The following SOX6 variants were observed in gnomAD, a reference collection of about 807,000 sequenced individuals.
SOX6 encodes the protein transcription factor SOX-6.
Under a neutral mutation model 97.8 loss-of-function variants are expected in SOX6, and 11 were observed. That is an observed-to-expected ratio of 0.11 (90% CI 0.07 to 0.19). SOX6 has a LOEUF of 0.19. SOX6 is among the 10% of genes least tolerant of loss of function. The pLI, the probability that SOX6 is intolerant of heterozygous loss-of-function variation, is 1.00. For synonymous variants in SOX6, 360 were observed against 371.4 expected (o/e 0.97, Z 0.35); for missense variants, 810 against 1,039.5 (o/e 0.78, Z 3.04).
intron 4 of SOX6, among the ~76,000 whole-genome samples, chr11:16,203,704 C>T (rs1187630431): frequency 6.6e-6 from 1 of 152,052 alleles, no homozygotes; most frequent in Non-Finnish European, 1.5e-5. Flanking sequence ...ATTGAGCAAT[C>T]AAGAGCAGCT....
chr11:16,016,082 G>A (rs1188579264), intron 12 of SOX6, among the ~76,000 whole-genome samples: 3 of 151,968 alleles, frequency 2.0e-5, no homozygotes, highest in Admixed American at 1.3e-4. Context: ...GAGCATGTTC[G>A]GCATTAGATG....
intron 3 of SOX6, among the ~76,000 whole-genome samples, chr11:16,634,358 A>G (rs896290596): frequency 3.9e-5 from 6 of 152,052 alleles, no homozygotes; most frequent in African/African-American, 1.4e-4. Flanking sequence ...ACAGTGCCTT[A>G]GGAATTTGCA....
chr11:16,393,611 T>C (rs1422940084), intron 1 of SOX6, among the ~76,000 whole-genome samples: 1 of 152,080 alleles, frequency 6.6e-6, no homozygotes, highest in Non-Finnish European at 1.5e-5. Flanking sequence ...AAAATTATGC[T>C]ATTTCATTCT....
At chr11:16,283,192 G>A (rs1233231729) in intron 3 of SOX6, among the ~76,000 whole-genome samples, 7 of 146,910 alleles carry the variant, frequency 4.8e-5, no homozygotes, top group Non-Finnish European at 1.0e-4. Context: ...TCAATTGAAT[G>A]GCAATATCCA....
rs946727587 is a variant in SOX6, at chr11:16,012,710, G to C, written c.1732+2232C>G. On this transcript the variant is annotated intron_variant, in intron 13 of 15. Coordinates refer to ENST00000683767, the MANE Select transcript of SOX6 (RefSeq NM_001367873.1). ...GGGCAGTATGGCAGGCTGCTGGGGA[G>C]AATCTCAGCTCTACCCTTAATATGT... Among the ~76,000 whole-genome samples, 4 of 151,922 alleles carry C rather than the reference G, an allele frequency of 2.6e-5. 1 individual carries two copies. The highest frequency in any genetic ancestry group is 5.9e-5 in the Non-Finnish European group (4 of 67,948).
chr11:16,323,403 T>C (rs913045565), intron 2 of SOX6, among the ~76,000 whole-genome samples: 1 of 152,198 alleles, frequency 6.6e-6, no homozygotes, highest in Non-Finnish European at 1.5e-5. Flanking sequence ...TGTTCAGATT[T>C]TTCAGAAGTT....
chr11:16,671,695 A>T (rs1172704938), intron 3 of SOX6, among the ~76,000 whole-genome samples: 2 of 152,236 alleles, frequency 1.3e-5, no homozygotes, highest in East Asian at 3.8e-4. Flanking sequence ...GAAAGGGAGG[A>T]GGAGAAAGCA....
intron 6 of SOX6, among the ~76,000 whole-genome samples, chr11:16,159,123 A>G (rs1850676498): frequency 6.6e-6 from 1 of 152,122 alleles, no homozygotes; most frequent in South Asian, 2.1e-4. Context: ...CACTTTTAAG[A>G]GAATACTATC....
At chr11:16,057,902 C>G (rs1453714556) in intron 9 of SOX6, among the ~76,000 whole-genome samples, 5 of 152,128 alleles carry the variant, frequency 3.3e-5, no homozygotes, top group Non-Finnish European at 7.4e-5. Context: ...TAATCTATTT[C>G]CTTCTCTAAA....
chr11:16,647,517 C>A (rs1849031853), intron 3 of SOX6, among the ~76,000 whole-genome samples: 1 of 152,184 alleles, frequency 6.6e-6, no homozygotes, highest in Non-Finnish European at 1.5e-5. Context: ...GGCTAACGTG[C>A]AGCTCCCACA....
chr11:16,076,678 A>AG (rs1337635166), intron 9 of SOX6, among the ~76,000 whole-genome samples: 2 of 150,618 alleles, frequency 1.3e-5, no homozygotes, highest in African/African-American at 4.9e-5. Flanking sequence ...AAAGGGAAGC[A>AG]GGCACATCTT....
At chr11:16,489,686 A>C (rs1334172200) in intron 4 of SOX6, among the ~76,000 whole-genome samples, 1 of 152,176 alleles carries the variant, frequency 6.6e-6, no homozygotes, top group Non-Finnish European at 1.5e-5. Flanking sequence ...AGCAATTAGT[A>C]CAGTACCCTG....
chr11:16,346,075 A>G (rs1856769772), intron 1 of SOX6, among the ~76,000 whole-genome samples: 1 of 152,038 alleles, frequency 6.6e-6, no homozygotes, highest in Non-Finnish European at 1.5e-5. Context: ...GAGTTGTTCT[A>G]CTTATTCAAA....
chr11:16,470,636 T>C (rs1326308994), intron 1 of SOX6, among the ~76,000 whole-genome samples: 1 of 152,098 alleles, frequency 6.6e-6, no homozygotes, highest in Non-Finnish European at 1.5e-5. Flanking sequence ...CAAAAATATT[T>C]ATACAGCAAC....
intron 1 of SOX6, among the ~76,000 whole-genome samples, chr11:16,446,293 CAG>C (rs1859609773): frequency 6.6e-6 from 1 of 151,688 alleles, no homozygotes; most frequent in Non-Finnish European, 1.5e-5. Context: ...AAGAAAGAGA[CAG>C]AAAGTAGGAG....
At chr11:16,069,099 G>T (rs535095287) in intron 9 of SOX6, among the ~76,000 whole-genome samples, 1 of 152,184 alleles carries the variant, frequency 6.6e-6, no homozygotes, top group South Asian at 2.1e-4. Context: ...ATCTTTCTTT[G>T]TTTCTGTCTT....
At chr11:16,580,438 T>TAA (rs11439923) in intron 4 of SOX6, among the ~76,000 whole-genome samples, 213 of 150,866 alleles carry the variant, frequency 1.4e-3, no homozygotes, top group African/African-American at 3.0e-3. Flanking sequence ...TTCAGAAAAT[T>TAA]AAAAAAAAAC....
At chr11:16,100,014 A>C (rs537154135) in intron 7 of SOX6, among the ~76,000 whole-genome samples, 109 of 151,908 alleles carry the variant, frequency 7.2e-4, no homozygotes, top group Non-Finnish European at 1.4e-3. Flanking sequence ...ACAAGGCAGG[A>C]GGGGTAGAAG....
intron 4 of SOX6, among the ~76,000 whole-genome samples, chr11:16,576,458 T>C (rs1589992174): frequency 6.6e-6 from 1 of 152,190 alleles, no homozygotes; most frequent in African/African-American, 2.4e-5. Flanking sequence ...CAAAAACACA[T>C]GTTGTCATAG....
Sources: allele counts gnomAD v4.1 joint callset (sites outside exome capture counted in the v4.1 genomes callset), GRCh38; gene constraint gnomAD v4.1.1; transcripts MANE v1.5; gene names NCBI Gene and HGNC (gene_info 2026-07-23, HGNC 2026-07-21).